LCOR: variants seen among roughly 807,000 people sequenced by gnomAD.
The protein encoded by LCOR is ligand dependent nuclear receptor corepressor.
A neutral mutation model predicts 64.4 loss-of-function variants in LCOR; 14 were observed. That is an observed-to-expected ratio of 0.22 (90% CI 0.14 to 0.34). LCOR has a LOEUF of 0.34. Ranked by LOEUF, LCOR falls within the 10% of genes least tolerant of loss-of-function variation. The probability of loss-of-function intolerance (pLI) is 1.00; values close to 1 mark genes in which losing one functional copy is unlikely to be tolerated. For synonymous variants in LCOR, 643 were observed against 642.5 expected, an observed-to-expected ratio of 1.00 and a Z score of -0.01; for missense variants, 1,686 against 1,765.3, an observed-to-expected ratio of 0.96 and a Z score of 0.80.
Position 96,916,637 on chromosome 10 carries a change from C to T in LCOR, c.-184+8890C>T, listed in dbSNP as rs549645280. On this transcript the variant is annotated intron_variant, in intron 4 of 7. Coordinates refer to ENST00000421806, the MANE Select transcript of LCOR (RefSeq NM_001346516.2). ...TATATGATTATTTATTTTTTTGAGA[C>T]GGAGTCTTGCTCTGTCTCCCAAGCT... Among the ~76,000 whole-genome samples the T allele has an allele frequency of 6.1e-4, 87 of 143,470 alleles. No homozygotes were observed. The Middle Eastern group carries it at 0.028, about 46-fold the overall frequency. The allele number at this position is 143,470 out of a possible 152,430, so 94.1% of individuals were successfully genotyped here.
At chr10:96,957,646 A>G (rs767265296) in intron 7 of LCOR, 21 of 985,364 alleles carry the variant, frequency 2.1e-5, no homozygotes, top group Non-Finnish European at 2.4e-5. Flanking sequence ...GTTTGAGGGG[A>G]GGTCCAGATA....
chr10:96,931,124 A>T (rs1028867158), intron 4 of LCOR, among the ~76,000 whole-genome samples: 1 of 152,058 alleles, frequency 6.6e-6, no homozygotes, highest in Non-Finnish European at 1.5e-5. Context: ...TATTATTTAT[A>T]ATATTATTAT....
intron 2 of LCOR, among the ~76,000 whole-genome samples, chr10:96,881,092 C>T (rs1268260791): frequency 6.6e-6 from 1 of 152,158 alleles, no homozygotes; most frequent in African/African-American, 2.4e-5. Context: ...GAAGTGGGGA[C>T]AGAGATTGTA....
chr10:96,847,522 A>G (rs999704163), intron 2 of LCOR, among the ~76,000 whole-genome samples: 2 of 152,042 alleles, frequency 1.3e-5, no homozygotes, highest in African/African-American at 2.4e-5. Flanking sequence ...GGCTCACCGC[A>G]TCCTCCGCCT....
chr10:96,945,820 A>G (rs955008756), intron 5 of LCOR, among the ~76,000 whole-genome samples: 2 of 152,136 alleles, frequency 1.3e-5, no homozygotes, highest in Non-Finnish European at 2.9e-5. Flanking sequence ...GGACATTAAT[A>G]AAGTCAATCA....
chr10:96,915,917 C>T lies in LCOR; in HGVS notation c.-184+8170C>T, dbSNP rs544007437. On this transcript the variant is annotated intron_variant, in intron 4 of 7. Transcript: ENST00000421806. Reference sequence around the variant, plus strand: ...TCTCTAGGCATATTGGCAGCGACGGCGGCAGGATGTAGGTGCTAGGCGCAG... The same window carrying T: ...TCTCTAGGCATATTGGCAGCGACGGTGGCAGGATGTAGGTGCTAGGCGCAG... The T allele has an allele frequency of 2.8e-5, 11 of 398,488 alleles. No homozygotes were observed. The East Asian group carries it at 5.3e-4, about 19-fold the overall frequency. 24.7% of individuals were successfully genotyped at this position (398,488 alleles called of 1,614,324 possible). A position where few individuals can be genotyped will look rare whatever the true frequency, so the allele number is the denominator to read the frequency against.
chr10:96,949,273 T>C lies in LCOR; in HGVS notation c.216T>C (p.Ser72=), dbSNP rs757161422. ...CTCTGGACCTTACTGTCAGAAAGTC[T>C]CAGTCAGAACCTAGCGAACAAGGTA... The part of the protein sequence containing the change: ...DSPLDLTVRK[S]QSEPSEQDGV... Residue 72 remains serine, a synonymous_variant, in exon 6 of 8, where the codon TCT becomes TCC. Transcript: ENST00000421806. 1.2e-6 allele frequency: 2 copies of C among 1,614,014 alleles called. No individual in the cohort carries two copies. Among genetic ancestry groups the C allele is most frequent in the Non-Finnish European group, 1.7e-6 (2 of 1,179,992 alleles).
intron 2 of LCOR, among the ~76,000 whole-genome samples, chr10:96,843,221 G>T (rs181602945): frequency 3.9e-4 from 59 of 152,284 alleles, no homozygotes; most frequent in Non-Finnish European, 7.9e-4. Flanking sequence ...AACTCCTGGG[G>T]TCAAAGTGAT....
chr10:96,841,549 C>T (rs1306961267), intron 2 of LCOR, among the ~76,000 whole-genome samples: 9 of 151,630 alleles, frequency 5.9e-5, no homozygotes, highest in African/African-American at 1.7e-4. Flanking sequence ...TTAGTAGAGA[C>T]GGGGTTTCAC....
intron 2 of LCOR, among the ~76,000 whole-genome samples, chr10:96,901,192 A>T (rs4453153): frequency 0.049 from 7,402 of 151,894 alleles, 602 homozygotes; most frequent in African/African-American, 0.17. Context: ...CTCAAAAAAA[A>T]AATAATAAAA....
At chr10:96,970,345 C>T (rs991828131) in intron 7 of LCOR, among the ~76,000 whole-genome samples, 2 of 152,010 alleles carry the variant, frequency 1.3e-5, no homozygotes, top group South Asian at 2.1e-4. Context: ...TTGCAGTGAG[C>T]GAGATCACAC....
intron 2 of LCOR, among the ~76,000 whole-genome samples, chr10:96,881,170 G>A (rs1846256940): frequency 6.6e-6 from 1 of 152,124 alleles, no homozygotes; most frequent in Non-Finnish European, 1.5e-5. Context: ...TGACTCTCCT[G>A]GAGAGGAGAG....
At chr10:96,837,307 A>C (rs537032967) in intron 2 of LCOR, among the ~76,000 whole-genome samples, 2 of 152,032 alleles carry the variant, frequency 1.3e-5, no homozygotes, top group South Asian at 4.2e-4. Flanking sequence ...CCCAGGCTGG[A>C]GTGCAGTGGC....
chr10:96,957,261 A>G, intron 7 of LCOR: 1 of 984,964 alleles, frequency 1.0e-6, no homozygotes, highest in Non-Finnish European at 1.2e-6. Flanking sequence ...TTTTTCTGAT[A>G]ATTAGCTGAT....
chr10:96,923,661 A>G (rs1309197101), intron 4 of LCOR, among the ~76,000 whole-genome samples: 2 of 152,256 alleles, frequency 1.3e-5, no homozygotes, highest in Non-Finnish European at 2.9e-5. Flanking sequence ...AAATTTAACC[A>G]TATTAACTAT....
rs1176441008 is a variant in LCOR, at chr10:96,908,707, T to C, written c.-184+960T>C. 2.1e-5 allele frequency among the ~76,000 whole-genome samples: 3 copies of C among 145,626 alleles called. No homozygotes were observed. In the East Asian group the frequency reaches 5.8e-4, roughly 28 times the overall value. ...GTTTTAAAGCCTTGAAAATGCTTTC[T>C]TCTGCCGTATACACTCTTTTTTTTT... is the stretch of plus-strand genomic sequence containing the variant. On this transcript the variant is annotated intron_variant, in intron 4 of 7. Coordinates refer to ENST00000421806, the MANE Select transcript of LCOR (RefSeq NM_001346516.2).
chr10:96,907,217 C>A, intron 2 of LCOR, 48 bp from the exon 3 acceptor site: 4 of 584,040 alleles, frequency 6.8e-6, no homozygotes, highest in Non-Finnish European at 8.6e-6. Context: ...TTATTCAATA[C>A]TAGAATGAAT....
chr10:96,848,675 A>G (rs1344179961), intron 2 of LCOR, among the ~76,000 whole-genome samples: 1 of 152,110 alleles, frequency 6.6e-6, no homozygotes, highest in African/African-American at 2.4e-5. Context: ...AAAACAAAAC[A>G]ACAAAAAATA....
intron 4 of LCOR, among the ~76,000 whole-genome samples, chr10:96,941,162 G>A (rs1228151564): frequency 2.2e-5 from 3 of 134,222 alleles, no homozygotes; most frequent in Admixed American, 7.2e-5. Flanking sequence ...CTCACCTCCC[G>A]GACAGGGCGG....
Sources: gnomAD v4.1 joint callset for allele counts (sites outside exome capture counted in the v4.1 genomes callset) on GRCh38, gnomAD v4.1.1 for gene constraint, MANE v1.5 for transcripts, NCBI Gene and HGNC (gene_info 2026-07-23, HGNC 2026-07-21) for gene names.